C6: variants seen among roughly 807,000 people sequenced by gnomAD.
C6 encodes complement C6.
C6 carries 101 observed loss-of-function variants against 112.9 expected under a neutral mutation model. The observed-to-expected ratio is 0.89, with a 90% CI of 0.76 to 1.06. The LOEUF is 1.06. Ranked by LOEUF, C6 falls within the 50% of genes least tolerant of loss-of-function variation. C6 has a pLI of 0.00. For missense variants in C6, 1,202 were observed against 1,104.6 expected (o/e 1.09, Z -1.25); for synonymous variants, 431 against 384.1 (o/e 1.12, Z -1.43).
chr5:41,207,730 AG>A (rs1359812407), intron 1 of C6, among the ~76,000 whole-genome samples: 1 of 152,054 alleles, frequency 6.6e-6, no homozygotes, highest in East Asian at 1.9e-4. Flanking sequence ...TCATAAAGCC[AG>A]TCCTTAGAGA....
At chr5:41,242,730 C>A (rs1435961889) in intron 1 of C6, among the ~76,000 whole-genome samples, 2 of 151,942 alleles carry the variant, frequency 1.3e-5, no homozygotes, top group Non-Finnish European at 2.9e-5. Context: ...CACATTTAGG[C>A]TTTCCTGTCA....
intron 1 of C6, among the ~76,000 whole-genome samples, chr5:41,210,997 T>C (rs927222445): frequency 6.6e-6 from 1 of 152,142 alleles, no homozygotes; most frequent in Non-Finnish European, 1.5e-5. Flanking sequence ...CAAATGTCCA[T>C]CAATGATAGA....
At chr5:41,218,399 A>G (rs1229514448), upstream of C6, among the ~76,000 whole-genome samples, 1 of 152,200 alleles carries the variant, frequency 6.6e-6, no homozygotes, top group Non-Finnish European at 1.5e-5. Context: ...AACAGAAAAA[A>G]AAATCCTGCC....
In C6 at chr5:41,195,781, A is replaced by G; in HGVS notation, c.587+11T>C. The G allele has an allele frequency of 6.2e-7, 1 of 1,613,054 alleles. No homozygotes were observed. Among genetic ancestry groups the G allele is most frequent in the Non-Finnish European group, 8.5e-7 (1 of 1,179,726 alleles). On this transcript the variant is annotated intron_variant, in intron 5 of 17. Transcript: ENST00000337836. ...CTGTTCTCCCCAAGATGATAAAAAG[A>G]TGTTACATACCCATTGCCCATCAAC...
At chr5:41,216,559 T>C (rs1205925050), upstream of C6, among the ~76,000 whole-genome samples, 1 of 152,136 alleles carries the variant, frequency 6.6e-6, no homozygotes, top group African/African-American at 2.4e-5. Context: ...AGAAACATCA[T>C]ATCACAGAGA....
At chr5:41,245,690 G>A (rs10072984) in intron 1 of C6, among the ~76,000 whole-genome samples, 3,885 of 152,004 alleles carry the variant, frequency 0.026, 160 homozygotes, top group African/African-American at 0.088. Flanking sequence ...TGAGATAATC[G>A]TATTATTGTC....
upstream of C6, among the ~76,000 whole-genome samples, chr5:41,218,499 T>C (rs1365045149): frequency 6.6e-6 from 1 of 152,224 alleles, no homozygotes; most frequent in Non-Finnish European, 1.5e-5. Context: ...ATTTCTTTAA[T>C]GTTTATCCAA....
intron 1 of C6, among the ~76,000 whole-genome samples, chr5:41,226,364 A>G (rs565935967): frequency 5.3e-5 from 8 of 152,166 alleles, no homozygotes; most frequent in Non-Finnish European, 1.0e-4. Context: ...GCTCATCATC[A>G]CTGGCCATCA....
At position 41,195,783 on chromosome 5, in the gene C6, G is replaced by A. The variant is rs201686775; in HGVS notation, c.587+9C>T. On this transcript the variant is annotated intron_variant, in intron 5 of 17. Transcript: ENST00000337836. ...GTTCTCCCCAAGATGATAAAAAGATGTTACATACCCATTGCCCATCAACTG... is the reference window on the plus strand; with the variant it reads ...GTTCTCCCCAAGATGATAAAAAGATATTACATACCCATTGCCCATCAACTG... The A allele has an allele frequency of 3.7e-6, 6 of 1,612,996 alleles. No homozygotes were observed. The African/African-American group carries it at 5.3e-5, about 14-fold the overall frequency.
chr5:41,250,346 ATTTC>A (rs1741273847), intron 1 of C6, among the ~76,000 whole-genome samples: 1 of 152,146 alleles, frequency 6.6e-6, no homozygotes, highest in Non-Finnish European at 1.5e-5. Flanking sequence ...GAGTTAGATG[ATTTC>A]TAAGCACGTT....
chr5:41,258,932 G>A (rs1169056356), intron 1 of C6, among the ~76,000 whole-genome samples: 8 of 152,132 alleles, frequency 5.3e-5, no homozygotes, highest in Admixed American at 5.2e-4. Flanking sequence ...ACCTTCATCT[G>A]GTCCCACCCT....
rs189218484 is a variant in C6 at position 41,163,968 on chromosome 5, T to G, written c.1292-2109A>C. ...TGTCATCAATAATTTGTTGAGAATC[T>G]TCTATATGTCAGGCCCAGATAAATA... On this transcript the variant is annotated intron_variant, in intron 9 of 17. Coordinates refer to ENST00000337836, the MANE Select transcript of C6 (RefSeq NM_000065.5). 3.7e-3 allele frequency among the ~76,000 whole-genome samples: 556 copies of G among 152,238 alleles called. 13 individuals are homozygous for G. Among genetic ancestry groups the G allele is most frequent in the Admixed American group, 6.2e-3 (94 of 15,280 alleles).
At chr5:41,171,969 T>C (rs1748457378) in intron 9 of C6, among the ~76,000 whole-genome samples, 1 of 152,172 alleles carries the variant, frequency 6.6e-6, no homozygotes, top group Non-Finnish European at 1.5e-5. Flanking sequence ...AATATTGAGT[T>C]CTGTCCATGA....
At chr5:41,187,966 T>C (rs1362285740) in intron 5 of C6, among the ~76,000 whole-genome samples, 7 of 152,038 alleles carry the variant, frequency 4.6e-5, no homozygotes. Flanking sequence ...AAAAATCAAA[T>C]GTATTTCCCT....
intron 9 of C6, among the ~76,000 whole-genome samples, chr5:41,163,487 A>G (rs1310464484): frequency 1.3e-5 from 2 of 151,876 alleles, no homozygotes; most frequent in East Asian, 3.9e-4. Flanking sequence ...TAATTTTCAT[A>G]TTTTTAGTAG....
chr5:41,209,119 C>A (rs1751683381), intron 1 of C6, among the ~76,000 whole-genome samples: 1 of 152,168 alleles, frequency 6.6e-6, no homozygotes, highest in South Asian at 2.1e-4. Context: ...ACGACAAAAA[C>A]CACATGATTA....
At chr5:41,202,069 G>T (rs1364069762) in intron 2 of C6, among the ~76,000 whole-genome samples, 1 of 152,166 alleles carries the variant, frequency 6.6e-6, no homozygotes, top group Admixed American at 6.5e-5. Flanking sequence ...TAATGGACTG[G>T]AAGGCAAGGA....
intron 16 of C6, 55 bp from the exon 17 acceptor site, chr5:41,149,537 G>C: frequency 6.2e-7 from 1 of 1,607,630 alleles, no homozygotes; most frequent in Non-Finnish European, 8.5e-7. Context: ...AAAAACAGGG[G>C]GCACGTAGCC....
chr5:41,149,702 G>T (rs187688498), intron 16 of C6, among the ~76,000 whole-genome samples: 31 of 152,260 alleles, frequency 2.0e-4, no homozygotes, highest in African/African-American at 7.5e-4. Flanking sequence ...AAACCAAAAT[G>T]AGACTGTTAT....
Sources: gnomAD v4.1 joint callset for allele counts (sites outside exome capture counted in the v4.1 genomes callset) on GRCh38, gnomAD v4.1.1 for gene constraint, MANE v1.5 for transcripts, NCBI Gene and HGNC (gene_info 2026-07-23, HGNC 2026-07-21) for gene names.